The following KLB variants were observed in gnomAD, a reference collection of about 807,000 sequenced individuals.
KLB encodes the protein klotho beta, also known as beta-klotho.
Under a neutral mutation model 88.4 loss-of-function variants are expected in KLB, and 44 were observed. The observed-to-expected ratio is 0.50, with a 90% CI of 0.39 to 0.64. The LOEUF (loss-of-function observed/expected upper bound fraction) is 0.64, where lower values mean the gene tolerates loss of function less well. Ranked by LOEUF, KLB falls within the 30% of genes least tolerant of loss-of-function variation. The pLI, the probability that KLB is intolerant of heterozygous loss-of-function variation, is 0.00. For synonymous variants in KLB, 548 were observed against 513.4 expected, an observed-to-expected ratio of 1.07 and a Z score of -0.91; for missense variants, 1,137 against 1,304.8, an observed-to-expected ratio of 0.87 and a Z score of 1.98.
chr4:39,448,821 T>G lies in KLB; in HGVS notation c.*135T>G. The G allele has an allele frequency of 2.4e-6, 2 of 839,192 alleles. No individual in the cohort carries two copies. The highest frequency in any genetic ancestry group is 3.7e-6 in the Non-Finnish European group (2 of 545,166). The allele number at this position is 839,192 out of a possible 1,614,324, so 52.0% of individuals were successfully genotyped here. A position where few individuals can be genotyped will look rare whatever the true frequency, so the allele number is the denominator to read the frequency against. ...TAACCAAGGTGATGACAATTGTCTC[T>G]GCTGTGTGGTTCAAAGAACATTCCC... On this transcript the variant is annotated 3_prime_UTR_variant, in exon 5 of 5. Coordinates refer to ENST00000257408, the MANE Select transcript of KLB (RefSeq NM_175737.4).
intron 1 of KLB, among the ~76,000 whole-genome samples, chr4:39,433,382 G>T (rs1413617145): frequency 1.3e-5 from 2 of 152,096 alleles, no homozygotes; most frequent in African/African-American, 4.8e-5. Flanking sequence ...AATAGCTAAG[G>T]CTTATATAGA....
intron 1 of KLB, among the ~76,000 whole-genome samples, chr4:39,412,540 T>A (rs993059181): frequency 6.6e-6 from 1 of 152,160 alleles, no homozygotes; most frequent in Non-Finnish European, 1.5e-5. Flanking sequence ...AGTCTCTCCT[T>A]ACTATTTCTC....
chr4:39,435,050 G>T (rs914655559), intron 2 of KLB, among the ~76,000 whole-genome samples: 5 of 150,696 alleles, frequency 3.3e-5, no homozygotes, highest in African/African-American at 4.9e-5. Context: ...TAAGTGATCC[G>T]CCCGCCTCAG....
intron 1 of KLB, among the ~76,000 whole-genome samples, chr4:39,410,482 C>T (rs1742815366): frequency 6.6e-6 from 1 of 152,104 alleles, no homozygotes; most frequent in Non-Finnish European, 1.5e-5. Context: ...GTGAGGGGTC[C>T]TTGAAATCAG....
chr4:39,446,280 G>C lies in KLB; in HGVS notation c.1606-52G>C, dbSNP rs1743743906. Reference sequence around the variant, plus strand: ...GGAGGCAGAGGTAGGCAGATCACTTGAGCCTCCATCTGCCAGCGCATGCTT... The same window carrying C: ...GGAGGCAGAGGTAGGCAGATCACTTCAGCCTCCATCTGCCAGCGCATGCTT... On this transcript the variant is annotated intron_variant, in intron 3 of 4. Transcript: ENST00000257408. The surrounding 1 kb of genome is among the most constrained non-coding windows in gnomAD (Gnocchi z 6.4). The C allele has an allele frequency of 1.3e-6, 2 of 1,512,502 alleles. No homozygotes were observed. The highest frequency in any genetic ancestry group is 1.8e-6 in the Non-Finnish European group (2 of 1,111,822). The allele number at this position is 1,512,502 out of a possible 1,614,324, so 93.7% of individuals were successfully genotyped here. A position where few individuals can be genotyped will look rare whatever the true frequency, so the allele number is the denominator to read the frequency against.
At chr4:39,429,134 C>T (rs1012459501) in intron 1 of KLB, among the ~76,000 whole-genome samples, 2 of 152,166 alleles carry the variant, frequency 1.3e-5, no homozygotes, top group Admixed American at 6.5e-5. Context: ...ATTTAATAGT[C>T]TATTAAATAG....
chr4:39,409,979 A>G lies in KLB; in HGVS notation c.825+2205A>G, dbSNP rs77350609. Among the ~76,000 whole-genome samples the G allele has an allele frequency of 5.6e-4, 85 of 152,304 alleles. 2 individuals carry two copies. In the East Asian group the frequency reaches 0.013, roughly 24 times the overall value. On this transcript the variant is annotated intron_variant, in intron 1 of 4. Transcript: ENST00000257408. ...CATTGTACCAAAGGATCTAAAGTGA[A>G]AAAGTTAAATCCCTCTCCCTCTCTT...
chr4:39,426,438 AGGGCC>A (rs1743219529), intron 1 of KLB, among the ~76,000 whole-genome samples: 4 of 50,650 alleles, frequency 7.9e-5, no homozygotes, highest in Non-Finnish European at 4.9e-5. Flanking sequence ...AAAAAAAAAA[AGGGCC>A]ATGAAATTTG....
intron 3 of KLB, among the ~76,000 whole-genome samples, chr4:39,445,504 C>CT (rs10634518): frequency 0.015 from 2,002 of 131,690 alleles, 51 homozygotes; most frequent in African/African-American, 0.047. Flanking sequence ...CTTTTCTTTT[C>CT]TTTTTTTTTT....
Position 39,407,520 on chromosome 4 carries a change from G to C in KLB, c.571G>C (p.Val191Leu). Residue 191 changes from valine (V) to leucine (L), a missense_variant, in exon 1 of 5, where the codon GTT becomes CTT. Coordinates refer to ENST00000257408, the MANE Select transcript of KLB (RefSeq NM_175737.4). ...AGTGCTTAGAAACATTGAACCTATA[G>C]TTACTTTATACCACTGGGATTTGCC... is the stretch of plus-strand genomic sequence containing the variant. ...ALVLRNIEPI[V>L]TLYHWDLPLA... 6.2e-7 allele frequency: 1 copy of C among 1,614,120 alleles called. No homozygotes were observed. Among genetic ancestry groups the C allele is most frequent in the Non-Finnish European group, 8.5e-7 (1 of 1,179,996 alleles).
chr4:39,419,657 T>A (rs1361852022), intron 1 of KLB, among the ~76,000 whole-genome samples: 1 of 150,510 alleles, frequency 6.6e-6, no homozygotes, highest in Non-Finnish European at 1.5e-5. Context: ...GTGCCTGTAA[T>A]CCCAGCTACT....
chr4:39,443,397 A>G (rs1339934406), intron 3 of KLB, among the ~76,000 whole-genome samples: 1 of 150,890 alleles, frequency 6.6e-6, no homozygotes, highest in Non-Finnish European at 1.5e-5. Flanking sequence ...AAGAAAAAAG[A>G]AAAAAAAAGG....
Position 39,450,395 on chromosome 4 carries a change from T to A in KLB, c.*1709T>A, listed in dbSNP as rs767758205. ...TTTGATTATATTCTAGGTCCACCTA[T>A]GTCTGAAGCTAAATTCAGTATCTAA... is the stretch of plus-strand genomic sequence containing the variant. On this transcript the variant is annotated 3_prime_UTR_variant, in exon 5 of 5. Transcript: ENST00000257408. The A allele has an allele frequency of 2.6e-5, 4 of 152,238 alleles. No homozygotes were observed. Among genetic ancestry groups the A allele is most frequent in the Non-Finnish European group, 4.4e-5 (3 of 68,040 alleles). The allele number at this position is 152,238 out of a possible 1,614,324, so 9.4% of individuals were successfully genotyped here.
intron 3 of KLB, among the ~76,000 whole-genome samples, chr4:39,443,572 G>A (rs1351019480): frequency 1.2e-4 from 17 of 138,266 alleles, no homozygotes; most frequent in South Asian, 2.4e-4. Context: ...CCTGGCCAAC[G>A]TGGCAAAATC....
chr4:39,446,318 C>G lies in KLB; in HGVS notation c.1606-14C>G. ...CCAGCGCATGCTTGACCTAAATGAG[C>G]TTGTTTTTCACAGCCCGAGTCTGTG... is the stretch of plus-strand genomic sequence containing the variant. On this transcript the variant is annotated splice_polypyrimidine_tract_variant and intron_variant, in intron 3 of 4. Transcript: ENST00000257408. This position sits in a 1 kb window ranked among gnomAD's most constrained non-coding sequence, Gnocchi z 6.4. 6.2e-7 allele frequency: 1 copy of G among 1,607,606 alleles called. No homozygotes were observed. Among genetic ancestry groups the G allele is most frequent in the Non-Finnish European group, 8.5e-7 (1 of 1,176,782 alleles).
intron 1 of KLB, among the ~76,000 whole-genome samples, chr4:39,418,379 A>G (rs183411248): frequency 5.5e-4 from 84 of 152,142 alleles, no homozygotes; most frequent in African/African-American, 2.0e-3. Flanking sequence ...AGCTAAGACT[A>G]CAGGCGTGAG....
chr4:39,415,175 A>T (rs1742941436), intron 1 of KLB, among the ~76,000 whole-genome samples: 1 of 152,082 alleles, frequency 6.6e-6, no homozygotes, highest in Non-Finnish European at 1.5e-5. Context: ...GGCCTCTCAA[A>T]GTGTTGAGAT....
chr4:39,448,602 T>C lies in KLB; in HGVS notation c.3051T>C (p.Phe1017=), dbSNP rs369242944. ...TTCTACTCTTATCAATTGCCATTTT[T>C]CAAAGGCAGAAGAGAAGAAAGTTTT... ...TLVLLLSIAI[F]QRQKRRKFWK... Residue 1017 remains phenylalanine (F), a synonymous_variant, in exon 5 of 5, where the codon TTT becomes TTC. Transcript: ENST00000257408. The C allele has an allele frequency of 3.5e-5, 57 of 1,614,010 alleles. No homozygotes were observed. The highest frequency in any genetic ancestry group is 4.7e-5 in the Non-Finnish European group (56 of 1,180,006).
rs756179501 is a variant in KLB, at chr4:39,449,250, G to C, written c.*564G>C. On this transcript the variant is annotated 3_prime_UTR_variant, in exon 5 of 5. Transcript: ENST00000257408. Reference sequence around the variant, plus strand: ...GGCTGAGGCAGAAGTTTGAACCCAGGAAACAGGTTACAGTAGGCCAAAATT... The same window carrying C: ...GGCTGAGGCAGAAGTTTGAACCCAGCAAACAGGTTACAGTAGGCCAAAATT... 1 of 146,032 alleles carries C rather than the reference G, an allele frequency of 6.8e-6. No individual in the cohort carries two copies. Among genetic ancestry groups the C allele is most frequent in the Non-Finnish European group, 1.5e-5 (1 of 67,208 alleles). 9.0% of individuals were successfully genotyped at this position (146,032 alleles called of 1,614,324 possible).
Sources: gnomAD v4.1 joint callset for allele counts (sites outside exome capture counted in the v4.1 genomes callset) on GRCh38, gnomAD v4.1.1 for gene constraint, Gnocchi (gnomAD v3.1) non-coding constraint, MANE v1.5 for transcripts, NCBI Gene and HGNC (gene_info 2026-07-23, HGNC 2026-07-21) for gene names.